Variants in TSPAN9 observed in about 807,000 individuals in gnomAD.
TSPAN9 encodes the protein tetraspanin 9.
A neutral mutation model predicts 31.0 loss-of-function variants in TSPAN9; 16 were observed. That is an observed-to-expected ratio of 0.52 (90% confidence interval 0.35 to 0.78). TSPAN9 has a LOEUF of 0.78. TSPAN9 is among the 30% of genes least tolerant of loss of function. TSPAN9 has a pLI of 0.01. For missense variants in TSPAN9, 272 were observed against 312.5 expected, an observed-to-expected ratio of 0.87 and a Z score of 0.98; for synonymous variants, 145 against 121.6, an observed-to-expected ratio of 1.19 and a Z score of -1.27.
At chr12:3,244,411 G>A (rs566043229) in intron 3 of TSPAN9, among the ~76,000 whole-genome samples, 46 of 152,298 alleles carry the variant, frequency 3.0e-4, no homozygotes, top group African/African-American at 4.8e-4. Flanking sequence ...CACCCCAGCC[G>A]GAAGGAGGCC....
chr12:3,115,305 A>G (rs2098321687), intron 2 of TSPAN9, among the ~76,000 whole-genome samples: 1 of 152,208 alleles, frequency 6.6e-6, no homozygotes, highest in South Asian at 2.1e-4. Flanking sequence ...GACAGACCAC[A>G]TTTTGTTTAT....
chr12:3,122,062 C>T (rs897856479), intron 2 of TSPAN9, among the ~76,000 whole-genome samples: 14 of 152,194 alleles, frequency 9.2e-5, no homozygotes, highest in African/African-American at 3.1e-4. Flanking sequence ...GTTGGCCGGG[C>T]GCGTGGCTCA....
intron 2 of TSPAN9, among the ~76,000 whole-genome samples, chr12:3,152,141 G>A (rs1405463178): frequency 6.6e-6 from 1 of 152,194 alleles, no homozygotes; most frequent in Non-Finnish European, 1.5e-5. Flanking sequence ...GACCAGCTTG[G>A]AAGGAGGTAA....
chr12:3,138,506 C>T (rs1205873618), intron 2 of TSPAN9, among the ~76,000 whole-genome samples: 3 of 151,928 alleles, frequency 2.0e-5, no homozygotes, highest in Non-Finnish European at 4.4e-5. Flanking sequence ...TGCTGTCACC[C>T]AGGCAGGAGT....
chr12:3,092,829 C>T (rs1172671672), intron 2 of TSPAN9, among the ~76,000 whole-genome samples: 1 of 152,216 alleles, frequency 6.6e-6, no homozygotes, highest in African/African-American at 2.4e-5. Context: ...ACAGTAGCAA[C>T]ATCTTTGGAA....
At chr12:3,101,422 C>T (rs116045927) in intron 2 of TSPAN9, among the ~76,000 whole-genome samples, 190 of 152,202 alleles carry the variant, frequency 1.2e-3, no homozygotes, top group African/African-American at 4.3e-3. Flanking sequence ...GTAAAGTTAA[C>T]CAAGATGTTG....
intron 3 of TSPAN9, among the ~76,000 whole-genome samples, chr12:3,203,462 A>G (rs930309885): frequency 1.3e-5 from 2 of 152,216 alleles, no homozygotes; most frequent in Admixed American, 6.5e-5. Context: ...AATTCTTCCC[A>G]TCTTCCCTTA....
intron 2 of TSPAN9, among the ~76,000 whole-genome samples, chr12:3,178,910 G>C (rs942840814): frequency 2.0e-5 from 3 of 152,198 alleles, no homozygotes; most frequent in Admixed American, 2.0e-4. Flanking sequence ...ACACCCTGTG[G>C]CTCGCGCCCA....
chr12:3,280,968 C>A lies in TSPAN9; in HGVS notation c.433-230C>A, dbSNP rs1862881311. 6.6e-6 allele frequency among the ~76,000 whole-genome samples: 1 copy of A among 152,166 alleles called. No individual in the cohort carries two copies. The highest frequency in any genetic ancestry group is 1.5e-5 in the Non-Finnish European group (1 of 68,022). On this transcript the variant is annotated intron_variant, in intron 6 of 8. Transcript: ENST00000011898. The surrounding 1 kb of genome is among the most constrained non-coding windows in gnomAD (Gnocchi z 4.5). The stretch of plus-strand genomic sequence containing the variant: ...CAAGGGGCCCAGCCCGAGGGGTGGG[C>A]TGCATTGCCCTCTCCCGCTCTGGTC...
At chr12:3,239,154 C>T (rs907115518) in intron 3 of TSPAN9, among the ~76,000 whole-genome samples, 1 of 150,560 alleles carries the variant, frequency 6.6e-6, no homozygotes, top group Non-Finnish European at 1.5e-5. Context: ...AGAGGCAAGG[C>T]GTAGAGGGGT....
chr12:3,216,348 A>G (rs2098381385), intron 3 of TSPAN9, among the ~76,000 whole-genome samples: 1 of 152,118 alleles, frequency 6.6e-6, no homozygotes, highest in Non-Finnish European at 1.5e-5. Context: ...TCGTGCCCAC[A>G]TGGCCCTGGG....
intron 3 of TSPAN9, among the ~76,000 whole-genome samples, chr12:3,275,311 C>T (rs575098968): frequency 2.0e-4 from 31 of 152,268 alleles, no homozygotes; most frequent in African/African-American, 7.5e-4. Flanking sequence ...TTTTCCAGGC[C>T]CGAGAAGGGT....
intron 2 of TSPAN9, among the ~76,000 whole-genome samples, chr12:3,104,614 A>G (rs1222368935): frequency 1.3e-5 from 2 of 152,112 alleles, no homozygotes; most frequent in African/African-American, 4.8e-5. Flanking sequence ...TCAGCCTCCC[A>G]AAGTGCTGGG....
rs868112439 is a variant in TSPAN9 at position 3,280,079 on chromosome 12, G to A, written c.331-303G>A. On this transcript the variant is annotated intron_variant, in intron 5 of 8. Transcript: ENST00000011898. This position sits in a 1 kb window ranked among gnomAD's most constrained non-coding sequence, Gnocchi z 4.5. ...CTGGTCCTGGGATGGGGGAGTGGAG[G>A]CACGTGGTGTGTTTTTTTGCCTCTG... is the stretch of plus-strand genomic sequence containing the variant. Among the ~76,000 whole-genome samples the A allele has an allele frequency of 1.2e-4, 18 of 152,084 alleles. No individual in the cohort carries two copies. The highest frequency in any genetic ancestry group is 3.9e-4 in the Admixed American group (6 of 15,276).
intron 2 of TSPAN9, among the ~76,000 whole-genome samples, chr12:3,122,948 AG>A (rs1377358129): frequency 6.6e-6 from 1 of 152,202 alleles, no homozygotes. Flanking sequence ...GGCAGGAAAC[AG>A]GGATGTCTGT....
chr12:3,157,936 G>A (rs1455174711), intron 2 of TSPAN9, among the ~76,000 whole-genome samples: 2 of 152,116 alleles, frequency 1.3e-5, no homozygotes, highest in African/African-American at 2.4e-5. Flanking sequence ...AAACGCACCC[G>A]GGCTTTTGTT....
At chr12:3,081,711 A>G (rs1010000339) in intron 1 of TSPAN9, among the ~76,000 whole-genome samples, 6 of 151,682 alleles carry the variant, frequency 4.0e-5, no homozygotes, top group African/African-American at 1.5e-4. Flanking sequence ...CACATCTGTA[A>G]TCCCAGTATT....
At chr12:3,268,649 C>T (rs1862593350) in intron 3 of TSPAN9, among the ~76,000 whole-genome samples, 4 of 128,778 alleles carry the variant, frequency 3.1e-5, no homozygotes, top group Admixed American at 1.5e-4. Flanking sequence ...TTCCTGCAGC[C>T]TGCCCTCCGT....
chr12:3,158,748 A>T (rs1591653102), intron 2 of TSPAN9, among the ~76,000 whole-genome samples: 1 of 140,490 alleles, frequency 7.1e-6, no homozygotes, highest in Admixed American at 7.2e-5. Context: ...AAAAAAGCAT[A>T]GGCTTCCACT....
Sources: gnomAD v4.1 joint callset for allele counts (sites outside exome capture counted in the v4.1 genomes callset) on GRCh38, gnomAD v4.1.1 for gene constraint, Gnocchi (gnomAD v3.1) non-coding constraint, MANE v1.5 for transcripts, NCBI Gene and HGNC (gene_info 2026-07-23, HGNC 2026-07-21) for gene names.